Variants in SULF1 observed in about 807,000 individuals in gnomAD.
SULF1 encodes the protein sulfatase 1.
In SULF1, 46 loss-of-function variants were observed where a neutral mutation model predicts 110.5. The observed-to-expected ratio is 0.42, with a 90% CI of 0.33 to 0.53. The LOEUF is 0.53. Among genes scored for constraint, SULF1 ranks in the 20% least tolerant of loss-of-function variants. SULF1 has a pLI of 0.12. For missense variants in SULF1, 941 were observed against 1,094.2 expected, an observed-to-expected ratio of 0.86 and a Z score of 1.98; for synonymous variants, 371 against 387.1, an observed-to-expected ratio of 0.96 and a Z score of 0.49.
chr8:69,491,227 C>T (rs74934919), upstream of SULF1, among the ~76,000 whole-genome samples: 6,334 of 152,246 alleles, frequency 0.042, 380 homozygotes, highest in African/African-American at 0.14. Flanking sequence ...ATTAAGAACA[C>T]TTTAATACAA....
chr8:69,578,081 A>G (rs778625851), intron 6 of SULF1, among the ~76,000 whole-genome samples: 7 of 151,962 alleles, frequency 4.6e-5, no homozygotes, highest in Admixed American at 2.0e-4. Flanking sequence ...AAGCATCCAG[A>G]TGTTAAGAGC....
At chr8:69,609,855 T>C (rs1808510269) in intron 13 of SULF1, among the ~76,000 whole-genome samples, 1 of 152,194 alleles carries the variant, frequency 6.6e-6, no homozygotes. Flanking sequence ...GGTACCAGTG[T>C]TTTTTCCAAG....
At chr8:69,590,215 G>A (rs909270246) in intron 8 of SULF1, among the ~76,000 whole-genome samples, 1 of 152,138 alleles carries the variant, frequency 6.6e-6, no homozygotes, top group Non-Finnish European at 1.5e-5. Context: ...AGGCTGGAGT[G>A]CAGTGGTGCA....
chr8:69,550,043 C>G (rs1814581840), intron 3 of SULF1, among the ~76,000 whole-genome samples: 1 of 151,766 alleles, frequency 6.6e-6, no homozygotes, highest in South Asian at 2.1e-4. Context: ...GGCACAGTGG[C>G]AGATTCACCT....
At chr8:69,512,781 A>G (rs1811661070) in intron 3 of SULF1, among the ~76,000 whole-genome samples, 1 of 152,194 alleles carries the variant, frequency 6.6e-6, no homozygotes, top group East Asian at 1.9e-4. Context: ...TTCCCTACAC[A>G]ACACCCCAGA....
At chr8:69,538,387 C>A (rs1450585820) in intron 3 of SULF1, among the ~76,000 whole-genome samples, 1 of 151,130 alleles carries the variant, frequency 6.6e-6, no homozygotes, top group African/African-American at 2.4e-5. Context: ...CATTTGCCTG[C>A]AGTCAGTGAC....
intron 3 of SULF1, among the ~76,000 whole-genome samples, chr8:69,520,151 ACACAC>A (rs1228864936): frequency 6.7e-6 from 1 of 150,110 alleles, no homozygotes; most frequent in South Asian, 2.1e-4. Flanking sequence ...ACACACACAC[ACACAC>A]ATCACTGTGT....
chr8:69,518,696 C>T (rs1226275959), intron 3 of SULF1, among the ~76,000 whole-genome samples: 1 of 152,064 alleles, frequency 6.6e-6, no homozygotes, highest in African/African-American at 2.4e-5. Context: ...ACATAAATGC[C>T]TCATGTGTGA....
At chr8:69,488,945 G>C (rs1809806893), upstream of SULF1, among the ~76,000 whole-genome samples, 1 of 152,078 alleles carries the variant, frequency 6.6e-6, no homozygotes, top group Admixed American at 6.5e-5. Context: ...GTGTGGGCTG[G>C]TAAGGAAGTA....
intron 3 of SULF1, among the ~76,000 whole-genome samples, chr8:69,533,279 C>T (rs1813225076): frequency 6.6e-6 from 1 of 152,172 alleles, no homozygotes; most frequent in Admixed American, 6.5e-5. Context: ...GGTACATGTG[C>T]AGGACGTGCA....
chr8:69,532,305 G>T (rs543541111), intron 3 of SULF1, among the ~76,000 whole-genome samples: 1 of 152,020 alleles, frequency 6.6e-6, no homozygotes, highest in Non-Finnish European at 1.5e-5. Context: ...GCCAAAATAG[G>T]CACATGAGAA....
chr8:69,578,883 G>T (rs1002810990), intron 6 of SULF1, among the ~76,000 whole-genome samples: 1 of 152,186 alleles, frequency 6.6e-6, no homozygotes, highest in African/African-American at 2.4e-5. Context: ...AGGAAAAGGG[G>T]CTGGGTGCGG....
intron 3 of SULF1, among the ~76,000 whole-genome samples, chr8:69,502,666 T>C (rs922763018): frequency 1.3e-5 from 2 of 149,496 alleles, no homozygotes; most frequent in African/African-American, 4.9e-5. Flanking sequence ...TGATTTTTTT[T>C]TTCTTTTCTT....
upstream of SULF1, among the ~76,000 whole-genome samples, chr8:69,492,481 C>G (rs1809991016): frequency 6.6e-6 from 1 of 152,156 alleles, no homozygotes; most frequent in South Asian, 2.1e-4. Flanking sequence ...GTCTCTGGAA[C>G]GCCTGGCTTT....
At chr8:69,624,568 T>A (rs2130573526) in intron 15 of SULF1, among the ~76,000 whole-genome samples, 1 of 152,250 alleles carries the variant, frequency 6.6e-6, no homozygotes, top group African/African-American at 2.4e-5. Flanking sequence ...TGGAAACAAT[T>A]TCAGAGGCTG....
chr8:69,554,836 A>G (rs893687050), intron 3 of SULF1, among the ~76,000 whole-genome samples: 7 of 151,902 alleles, frequency 4.6e-5, no homozygotes, highest in Admixed American at 3.9e-4. Flanking sequence ...AAAATTAGCC[A>G]GGCGTGGTGG....
chr8:69,621,301 A>C (rs1385238290), intron 14 of SULF1, 50 bp downstream of exon 14: 1 of 1,429,024 alleles, frequency 7.0e-7, no homozygotes, highest in Non-Finnish European at 9.6e-7. Flanking sequence ...GCCTGTGGGA[A>C]TAAACAATAG....
intron 5 of SULF1, among the ~76,000 whole-genome samples, chr8:69,568,530 T>G (rs1423054049): frequency 6.6e-6 from 1 of 152,236 alleles, no homozygotes; most frequent in Non-Finnish European, 1.5e-5. Context: ...TTGTTCACAT[T>G]ATTGTGAATG....
intron 8 of SULF1, among the ~76,000 whole-genome samples, chr8:69,594,091 G>A (rs548091007): frequency 1.0e-4 from 15 of 149,454 alleles, no homozygotes; most frequent in African/African-American, 3.7e-4. Context: ...CACTCTTGTT[G>A]CCCAGGCTGG....
Sources: allele counts gnomAD v4.1 joint callset (sites outside exome capture counted in the v4.1 genomes callset), GRCh38; gene constraint gnomAD v4.1.1; transcripts MANE v1.5; gene names NCBI Gene and HGNC (gene_info 2026-07-23, HGNC 2026-07-21).